The following NFX1 variants were observed in gnomAD, a reference collection of about 807,000 sequenced individuals.
NFX1 encodes nuclear transcription factor, X-box binding 1.
A neutral mutation model predicts 137.2 loss-of-function variants in NFX1; 69 were observed. That is an observed-to-expected ratio of 0.50 (90% confidence interval 0.41 to 0.61). The LOEUF is 0.61. Ranked by LOEUF, NFX1 falls within the 20% of genes least tolerant of loss-of-function variation. The pLI is 0.00. For synonymous variants in NFX1, 495 were observed against 474.1 expected (o/e 1.04, Z -0.57); for missense variants, 1,167 against 1,391.0 (o/e 0.84, Z 2.56).
At chr9:33,364,605 G>A in intron 20 of NFX1, 103 bp from the exon 21 acceptor site, 1 of 1,328,308 alleles carries the variant, frequency 7.5e-7, no homozygotes, top group South Asian at 1.5e-5. Flanking sequence ...CAGTTTTACT[G>A]CCAGCATTGT....
intron 4 of NFX1, among the ~76,000 whole-genome samples, chr9:33,306,779 T>G (rs532573361): frequency 7.2e-5 from 11 of 152,306 alleles, no homozygotes; most frequent in Middle Eastern, 3.4e-3. Context: ...TCCTTTCCAT[T>G]TCTTACTGCC....
chr9:33,326,058 A>G (rs539325036), intron 9 of NFX1, among the ~76,000 whole-genome samples: 1 of 152,346 alleles, frequency 6.6e-6, no homozygotes, highest in East Asian at 1.9e-4. Flanking sequence ...TAAGAAAATG[A>G]TACCAGATCA....
chr9:33,323,320 T>C (rs929513798), intron 9 of NFX1, among the ~76,000 whole-genome samples: 1 of 152,120 alleles, frequency 6.6e-6, no homozygotes, highest in Non-Finnish European at 1.5e-5. Context: ...AGAGTTGCTA[T>C]ATAGCTAAAA....
Position 33,295,420 on chromosome 9 carries a change from G to C in NFX1, c.1026G>C (p.Thr342=). 6.2e-7 allele frequency: 1 copy of C among 1,611,096 alleles called. No individual in the cohort carries two copies. Among genetic ancestry groups the C allele is most frequent in the South Asian group, 1.1e-5 (1 of 91,040 alleles). The stretch of plus-strand genomic sequence containing the variant: ...ACCATGTGCTAAAGAATGTGGAAAC[G>C]CACACAGGTAAACCTACCTAGATAG... ...KQNHVLKNVE[T]HTGSLIEQLT... Residue 342 remains threonine (T), a synonymous_variant, in exon 2 of 24, where the codon ACG becomes ACC. Transcript: ENST00000379540.
In NFX1 at chr9:33,307,310, ATGCTAATTCCGTTGGGAT is replaced by A. The variant is rs1277640440; in HGVS notation, c.1376+16_1376+33del. ...ACATTCCTGTAACCTGTAAGTTGGA[ATGCTAATTCCGTTGGGAT>A]TGCTGGTGGACATGCTTTGCTGGTG... On this transcript the variant is annotated intron_variant, in intron 5 of 23. Transcript: ENST00000379540. 6.2e-7 allele frequency: 1 copy of A among 1,608,932 alleles called. No homozygotes were observed. The highest frequency in any genetic ancestry group is 8.5e-7 in the Non-Finnish European group (1 of 1,175,602).
chr9:33,353,944 T>G, intron 17 of NFX1, 142 bp from the exon 18 acceptor site: 1 of 657,972 alleles, frequency 1.5e-6, no homozygotes, highest in Non-Finnish European at 2.5e-6. Flanking sequence ...CCTGCCTTGG[T>G]TTCCCAAAGT....
chr9:33,331,539 A>G (rs992742009), intron 10 of NFX1, among the ~76,000 whole-genome samples: 2 of 152,218 alleles, frequency 1.3e-5, no homozygotes, highest in African/African-American at 4.8e-5. Flanking sequence ...CAGTTTCATG[A>G]GTCACTTTTG....
Position 33,370,091 on chromosome 9 carries a change from C to T in NFX1, c.*113C>T. Reference sequence around the variant, plus strand: ...CCTGGCAGAATCACAGTCTCACATACTGTCTTGTACTGACACATCCAAAGC... The same window carrying T: ...CCTGGCAGAATCACAGTCTCACATATTGTCTTGTACTGACACATCCAAAGC... On this transcript the variant is annotated 3_prime_UTR_variant, in exon 24 of 24. Transcript: ENST00000379540. 1.4e-6 allele frequency: 1 copy of T among 730,024 alleles called. No homozygotes were observed. Among genetic ancestry groups the T allele is most frequent in the South Asian group, 1.7e-5 (1 of 58,966 alleles). 45.2% of individuals were successfully genotyped at this position (730,024 alleles called of 1,614,324 possible). A position where few individuals can be genotyped will look rare whatever the true frequency, so the allele number is the denominator to read the frequency against.
chr9:33,348,012 T>G (rs1312878822), intron 15 of NFX1: 2 of 152,492 alleles, frequency 1.3e-5, no homozygotes, highest in East Asian at 3.8e-4. Flanking sequence ...ACAATGGACT[T>G]TGGGGACTCT....
intron 9 of NFX1, 78 bp from the exon 10 acceptor site, chr9:33,328,503 A>G (rs1822680152): frequency 2.0e-6 from 2 of 1,011,758 alleles, no homozygotes; most frequent in Non-Finnish European, 3.1e-6. Context: ...GGGGAAGACC[A>G]GTGTGGCTAG....
chr9:33,369,900 T>C lies in NFX1; in HGVS notation c.3291-6T>C, dbSNP rs1824277540. The C allele has an allele frequency of 6.2e-7, 1 of 1,611,892 alleles. No individual in the cohort carries two copies. Among genetic ancestry groups the C allele is most frequent in the Non-Finnish European group, 8.5e-7 (1 of 1,178,098 alleles). On this transcript the variant is annotated splice_region_variant and splice_polypyrimidine_tract_variant and intron_variant, in intron 23 of 23. Transcript: ENST00000379540. The stretch of plus-strand genomic sequence containing the variant: ...AAAGACTGATCATTCTTTGTTTGTT[T>C]TTCAGGAATCCTGGGAGCAGTAATT...
Position 33,317,845 on chromosome 9 carries a change from G to A in NFX1, c.1589-886G>A, listed in dbSNP as rs138626481. Among the ~76,000 whole-genome samples the A allele has an allele frequency of 3.0e-4, 46 of 151,304 alleles. No individual in the cohort carries two copies. In the East Asian group the frequency reaches 8.4e-3, roughly 27 times the overall value. On this transcript the variant is annotated intron_variant, in intron 7 of 23. Transcript: ENST00000379540. Reference sequence around the variant, plus strand: ...ACAGAAATTAGCTGGGCGTGGTGGCGGGCCCCTATAATCCCAGCTACTTGG... The same window carrying A: ...ACAGAAATTAGCTGGGCGTGGTGGCAGGCCCCTATAATCCCAGCTACTTGG...
intron 13 of NFX1, among the ~76,000 whole-genome samples, chr9:33,343,844 C>T (rs1178442628): frequency 6.6e-6 from 1 of 152,110 alleles, no homozygotes; most frequent in Non-Finnish European, 1.5e-5. Flanking sequence ...TTGTCAGGGT[C>T]ATAGTAATAA....
rs140087729 is a variant in NFX1 at position 33,370,239 on chromosome 9, C to T, written c.*261C>T. 1,801 of 335,286 alleles carry T rather than the reference C, an allele frequency of 5.4e-3. 13 individuals are homozygous for T. The highest frequency in any genetic ancestry group is 0.025 in the Middle Eastern group (30 of 1,222). 20.8% of individuals were successfully genotyped at this position (335,286 alleles called of 1,614,324 possible). Reference sequence around the variant, plus strand: ...CATTCAAAGAGGCTCTTTACACCATCACTGTGATTGCTCTGAGAGTTGAGG... The same window carrying T: ...CATTCAAAGAGGCTCTTTACACCATTACTGTGATTGCTCTGAGAGTTGAGG... On this transcript the variant is annotated 3_prime_UTR_variant, in exon 24 of 24. Coordinates refer to ENST00000379540, the MANE Select transcript of NFX1 (RefSeq NM_002504.6).
chr9:33,296,732 A>G (rs706126), intron 2 of NFX1, among the ~76,000 whole-genome samples: 9,058 of 152,032 alleles, frequency 0.06, 840 homozygotes, highest in African/African-American at 0.2. Flanking sequence ...TTGCGGGGGG[A>G]AAAAAGTTAC....
intron 9 of NFX1, among the ~76,000 whole-genome samples, chr9:33,326,014 A>G (rs1304377685): frequency 1.3e-5 from 2 of 152,248 alleles, no homozygotes; most frequent in African/African-American, 4.8e-5. Flanking sequence ...ATTATAGCAT[A>G]AAGGAGATAG....
chr9:33,313,967 T>C (rs1192964871), intron 7 of NFX1, among the ~76,000 whole-genome samples, 174 bp downstream of exon 7: 1 of 152,154 alleles, frequency 6.6e-6, no homozygotes, highest in African/African-American at 2.4e-5. Context: ...CATACCAGTA[T>C]AGGTCATTGT....
chr9:33,343,812 T>C (rs555563791), intron 13 of NFX1, among the ~76,000 whole-genome samples: 2 of 152,208 alleles, frequency 1.3e-5, no homozygotes, highest in Non-Finnish European at 2.9e-5. Context: ...TCTAGAAATA[T>C]GTTGGGAAAA....
Position 33,366,677 on chromosome 9 carries a change from C to G in NFX1, c.3088C>G (p.His1030Asp). 1 of 1,614,118 alleles carries G rather than the reference C, an allele frequency of 6.2e-7. No homozygotes were observed. Among genetic ancestry groups the G allele is most frequent in the East Asian group, 2.2e-5 (1 of 44,884 alleles). The change falls in exon 22 of 24, where the codon CAC (histidine) becomes GAC (aspartate). Residue 1030 changes from histidine (H) to aspartate (D), a missense_variant. Physicochemically the swap from His to Asp is moderately conservative, Grantham distance 81 (BLOSUM62 -1). Coordinates refer to ENST00000379540, the MANE Select transcript of NFX1 (RefSeq NM_002504.6). ...SHSFPPMNRD[H>D]RRIIHDLAQV... Reference sequence around the variant, plus strand: ...CAGCTTCCCTCCCATGAACAGAGACCACCGCCGGATCATCCATGACTTGGC... The same window carrying G: ...CAGCTTCCCTCCCATGAACAGAGACGACCGCCGGATCATCCATGACTTGGC...
Sources: gnomAD v4.1 joint callset for allele counts (sites outside exome capture counted in the v4.1 genomes callset) on GRCh38, gnomAD v4.1.1 for gene constraint, MANE v1.5 for transcripts, NCBI Gene and HGNC (gene_info 2026-07-23, HGNC 2026-07-21) for gene names.